The following ETS1 variants were observed in gnomAD, a reference collection of about 807,000 sequenced individuals.
The protein encoded by ETS1 is protein C-ets-1.
In ETS1, 15 loss-of-function variants were observed where a neutral mutation model predicts 58.6. That is an observed-to-expected ratio of 0.26 (90% CI 0.17 to 0.39). The LOEUF (loss-of-function observed/expected upper bound fraction) is 0.39. ETS1 is among the 10% of genes least tolerant of loss of function. The pLI is 1.00. For synonymous variants in ETS1, 214 were observed against 218.2 expected, an observed-to-expected ratio of 0.98 and a Z score of 0.17; for missense variants, 417 against 610.5, an observed-to-expected ratio of 0.68 and a Z score of 3.34.
rs758404312 is a variant in ETS1 at position 128,567,655 on chromosome 11, CAG to C, written c.69+5405_69+5406del. Among the ~76,000 whole-genome samples, 184 of 96,252 alleles carry C rather than the reference CAG, an allele frequency of 1.9e-3. 1 individual carries two copies. The highest frequency in any genetic ancestry group is 3.5e-3 in the Admixed American group (29 of 8,338). The allele number at this position is 96,252 out of a possible 152,430, so 63.1% of individuals were successfully genotyped here. ...TTTTGTTTTTGTTTTTGTTTTGAGA[CAG>C]AGTCTCACTCTGTTGCTCAGGCTGG... On this transcript the variant is annotated intron_variant, in intron 2 of 9. Transcript: ENST00000392668.
At chr11:128,553,692 C>A (rs1864267552) in intron 3 of ETS1, among the ~76,000 whole-genome samples, 1 of 151,974 alleles carries the variant, frequency 6.6e-6, no homozygotes, top group Non-Finnish European at 1.5e-5. Context: ...CACACTCCCG[C>A]CACCCTCCTC....
intron 3 of ETS1, among the ~76,000 whole-genome samples, chr11:128,521,646 C>T (rs1169474456): frequency 6.6e-6 from 1 of 152,178 alleles, no homozygotes; most frequent in African/African-American, 2.4e-5. Context: ...GCTGGAAATT[C>T]TATAAGCTTT....
At chr11:128,518,991 T>TGTGTTGGCTTTGGCAC (rs1422442128) in intron 3 of ETS1, among the ~76,000 whole-genome samples, 2 of 152,146 alleles carry the variant, frequency 1.3e-5, no homozygotes, top group Non-Finnish European at 2.9e-5. Flanking sequence ...GGCTTGGGAA[T>TGTGTTGGCTTTGGCAC]GTGTTGGCTT....
intron 3 of ETS1, among the ~76,000 whole-genome samples, chr11:128,547,099 C>T (rs1864144415): frequency 6.6e-6 from 1 of 152,202 alleles, no homozygotes; most frequent in Non-Finnish European, 1.5e-5. Context: ...GGAATGGAAA[C>T]AACTTCCAGA....
At chr11:128,548,185 G>A (rs1326505578) in intron 3 of ETS1, among the ~76,000 whole-genome samples, 1 of 151,484 alleles carries the variant, frequency 6.6e-6, no homozygotes, top group African/African-American at 2.4e-5. Flanking sequence ...AGAAAAAGAA[G>A]TGGGGGAGTG....
At position 128,462,205 on chromosome 11, in the gene ETS1, T is replaced by C. The variant is rs1861921570; in HGVS notation, c.*156A>G. On this transcript the variant is annotated 3_prime_UTR_variant, in exon 10 of 10. Transcript: ENST00000392668. Reference sequence around the variant, plus strand: ...GCTTTCCTTTCCCAACTGCGCACAATTGATTACAGCTGCAACTGACTTAGC... The same window carrying C: ...GCTTTCCTTTCCCAACTGCGCACAACTGATTACAGCTGCAACTGACTTAGC... 1.6e-6 allele frequency: 1 copy of C among 619,372 alleles called. No homozygotes were observed. Among genetic ancestry groups the C allele is most frequent in the African/African-American group, 1.8e-5 (1 of 54,354 alleles). 38.4% of individuals were successfully genotyped at this position (619,372 alleles called of 1,614,324 possible).
chr11:128,585,094 AGAAAGAAAG>A (rs1864975229), intron 1 of ETS1, among the ~76,000 whole-genome samples: 2 of 32,174 alleles, frequency 6.2e-5, no homozygotes, highest in African/African-American at 5.5e-4. Context: ...AAGAAAGGAA[AGAAAGAAAG>A]GAAGGAAGGA....
rs370332724 is a variant in ETS1, at chr11:128,480,302, C to T, written c.1012G>A (p.Ala338Thr). Reference protein sequence around the residue: ...DSFDSEDYPAALPNHKPKGTF... With the variant: ...DSFDSEDYPATLPNHKPKGTF... ...CCCTTGGGCTTGTGGTTGGGCAGGG[C>T]AGCCGGATAGTCCTCTGAGTCGAAG... is the stretch of plus-strand genomic sequence containing the variant. The change falls in exon 8 of 10, where the codon GCC (alanine) becomes ACC (threonine). Residue 338 changes from alanine (A) to threonine (T), a missense_variant. Transcript: ENST00000392668. 3.1e-6 allele frequency: 5 copies of T among 1,613,994 alleles called. No individual in the cohort carries two copies. The highest frequency in any genetic ancestry group is 2.7e-5 in the African/African-American group (2 of 74,916).
At chr11:128,467,841 G>A (rs1327173313) in intron 8 of ETS1, among the ~76,000 whole-genome samples, 1 of 152,094 alleles carries the variant, frequency 6.6e-6, no homozygotes, top group Non-Finnish European at 1.5e-5. Context: ...AGGGGTCCCT[G>A]TTAGAAGGAG....
chr11:128,484,879 G>C lies in ETS1; in HGVS notation c.806C>G (p.Ala269Gly), dbSNP rs772842312. The C allele has an allele frequency of 6.2e-7, 1 of 1,613,842 alleles. No individual in the cohort carries two copies. The highest frequency in any genetic ancestry group is 8.5e-7 in the Non-Finnish European group (1 of 1,179,796). The change falls in exon 7 of 10, where the codon GCT becomes GGT. Residue 269 changes from alanine to glycine, a missense_variant. Ala to Gly is a moderately conservative substitution (Grantham distance 60). Around this residue, in one of 4 missense-constraint regions of ETS1, gnomAD observed 139 missense variants for 152.1 expected, o/e 0.91. Coordinates refer to ENST00000392668, the MANE Select transcript of ETS1 (RefSeq NM_001143820.2). ...QTDTLQNDYF[A>G]IKQEVVTPDN... Reference sequence around the variant, plus strand: ...TGGGGTGACGACTTCTTGTTTGATAGCAAAGTAGTCATTCTGCAAGGTGTC... The same window carrying C: ...TGGGGTGACGACTTCTTGTTTGATACCAAAGTAGTCATTCTGCAAGGTGTC...
intron 8 of ETS1, among the ~76,000 whole-genome samples, chr11:128,475,008 A>G (rs2135430202): frequency 6.6e-6 from 1 of 152,346 alleles, no homozygotes; most frequent in South Asian, 2.1e-4. Context: ...TAGCCAATTC[A>G]CACTGTCTTA....
chr11:128,489,851 T>C (rs1048905994), intron 4 of ETS1, among the ~76,000 whole-genome samples: 1 of 152,204 alleles, frequency 6.6e-6, no homozygotes, highest in Non-Finnish European at 1.5e-5. Flanking sequence ...TTAATAGCAA[T>C]AATAACAAGA....
chr11:128,467,921 C>T (rs920059968), intron 8 of ETS1, among the ~76,000 whole-genome samples: 1 of 152,126 alleles, frequency 6.6e-6, no homozygotes, highest in African/African-American at 2.4e-5. Flanking sequence ...TCCCATGGCA[C>T]GGAGCCTCCA....
chr11:128,555,384 C>A (rs1864296555), intron 3 of ETS1, among the ~76,000 whole-genome samples: 1 of 152,168 alleles, frequency 6.6e-6, no homozygotes, highest in Non-Finnish European at 1.5e-5. Flanking sequence ...GTTAGTGACT[C>A]CCCCTGCCAT....
intron 3 of ETS1, among the ~76,000 whole-genome samples, chr11:128,510,167 A>G (rs1863354337): frequency 6.6e-6 from 1 of 152,188 alleles, no homozygotes; most frequent in Non-Finnish European, 1.5e-5. Context: ...GGGAGCTCAT[A>G]TGTATTTAGC....
At chr11:128,512,524 C>T (rs767269415) in intron 3 of ETS1, among the ~76,000 whole-genome samples, 29 of 152,208 alleles carry the variant, frequency 1.9e-4, no homozygotes, top group Non-Finnish European at 3.7e-4. Context: ...TGTGCGGGCA[C>T]CGCTCTTCCA....
At chr11:128,498,670 C>G (rs1863006895) in intron 3 of ETS1, among the ~76,000 whole-genome samples, 1 of 152,136 alleles carries the variant, frequency 6.6e-6, no homozygotes, top group African/African-American at 2.4e-5. Context: ...TGCCAAAACC[C>G]AAGCTGCGTT....
chr11:128,510,393 T>A (rs2135498773), intron 3 of ETS1, among the ~76,000 whole-genome samples: 1 of 152,302 alleles, frequency 6.6e-6, no homozygotes, highest in South Asian at 2.1e-4. Flanking sequence ...CAGACTTGGG[T>A]ATCCTGATTC....
chr11:128,487,987 T>A (rs1162521747), intron 5 of ETS1, among the ~76,000 whole-genome samples: 1 of 152,146 alleles, frequency 6.6e-6, no homozygotes. Context: ...AGAGATGGGC[T>A]TAGATAGCCC....
Sources: allele counts gnomAD v4.1 joint callset (sites outside exome capture counted in the v4.1 genomes callset), GRCh38; gene constraint gnomAD v4.1.1; regional missense constraint gnomAD v4.1.1; transcripts MANE v1.5; gene names NCBI Gene and HGNC (gene_info 2026-07-23, HGNC 2026-07-21).